Variants in RANBP3 observed in about 807,000 individuals in gnomAD.
RANBP3 encodes the protein ran-binding protein 3.
A neutral mutation model predicts 77.3 loss-of-function variants in RANBP3; 14 were observed. That is an observed-to-expected ratio of 0.18 (90% CI 0.12 to 0.28). RANBP3 has a LOEUF of 0.28. Among genes scored for constraint, RANBP3 ranks in the 10% least tolerant of loss-of-function variants. RANBP3 has a pLI of 1.00. For synonymous variants in RANBP3, 315 were observed against 312.4 expected (o/e 1.01, Z -0.09); for missense variants, 586 against 752.3 (o/e 0.78, Z 2.59).
chr19:5,930,098 G>A (rs967283302), intron 8 of RANBP3, among the ~76,000 whole-genome samples: 5 of 152,260 alleles, frequency 3.3e-5, no homozygotes, highest in Admixed American at 6.5e-5. Context: ...CACCATCGGG[G>A]ACAATCAGAG....
intron 3 of RANBP3, among the ~76,000 whole-genome samples, chr19:5,943,384 G>A (rs1004652272): frequency 2.0e-5 from 3 of 152,330 alleles, no homozygotes; most frequent in South Asian, 2.1e-4. Context: ...AAGTCAGGGC[G>A]ATGCATTTTC....
Position 5,972,349 on chromosome 19 carries a change from A to G in RANBP3, c.22+5712T>C, listed in dbSNP as rs557244405. On this transcript the variant is annotated intron_variant, in intron 1 of 16. Coordinates refer to ENST00000340578, the MANE Select transcript of RANBP3 (RefSeq NM_007322.3). ...GCTCTAAGTGCCAAGACTACTGAGG[A>G]GGAAGCAAACTGTGGACATGTGGAA... 2.0e-4 allele frequency among the ~76,000 whole-genome samples: 31 copies of G among 152,336 alleles called. No individual in the cohort carries two copies. In the East Asian group the frequency reaches 5.6e-3, roughly 27 times the overall value.
rs762716103 is a variant in RANBP3 at position 5,931,457 on chromosome 19, T to A, written c.640A>T (p.Thr214Ser). ...TCGGAAGGACTTCTCCATGCAGCAG[T>A]GTCAGGGGATGCTGCGGGCACTGCC... is the stretch of plus-strand genomic sequence containing the variant. ...TGAVPAASPD[T>S]AAWRSPSEAA... The change falls in exon 8 of 17, where the codon ACT becomes TCT. Residue 214 changes from threonine (T) to serine (S), a missense_variant. This residue lies in a region of RANBP3 where 232 missense variants were observed against 271.7 expected (regional missense o/e 0.85). Transcript: ENST00000340578. 6.2e-7 allele frequency: 1 copy of A among 1,612,876 alleles called. No homozygotes were observed. The highest frequency in any genetic ancestry group is 8.5e-7 in the Non-Finnish European group (1 of 1,179,612).
chr19:5,948,011 G>A (rs973419263), intron 3 of RANBP3, among the ~76,000 whole-genome samples: 3 of 152,250 alleles, frequency 2.0e-5, no homozygotes, highest in Admixed American at 6.5e-5. Context: ...GTGTGTCCTC[G>A]GTGCCAAGGC....
rs2057868668 is a variant in RANBP3, at chr19:5,924,127, A to G, written c.997-213T>C. On this transcript the variant is annotated intron_variant, in intron 11 of 16. Transcript: ENST00000340578. The surrounding 1 kb of genome is among the most constrained non-coding windows in gnomAD (Gnocchi z 4.7). Reference sequence around the variant, plus strand: ...CACCAGCCGACAGTCCCCTCGAGCCACACTGGTCACTCCGTCTGGGTGAGG... The same window carrying G: ...CACCAGCCGACAGTCCCCTCGAGCCGCACTGGTCACTCCGTCTGGGTGAGG... Among the ~76,000 whole-genome samples, 1 of 152,214 alleles carries G rather than the reference A, an allele frequency of 6.6e-6. No homozygotes were observed. Among genetic ancestry groups the G allele is most frequent in the African/African-American group, 2.4e-5 (1 of 41,454 alleles).
Position 5,924,779 on chromosome 19 carries a change from C to A in RANBP3, c.996+48G>T, listed in dbSNP as rs200883001. On this transcript the variant is annotated intron_variant, in intron 11 of 16. Transcript: ENST00000340578. The surrounding 1 kb of genome is among the most constrained non-coding windows in gnomAD (Gnocchi z 4.7). ...CCATGTCCCCTTGACCTGTGGCTGG[C>A]GCCGAGAGCCTCTGGTCCCTGAGAA... 4 of 1,560,434 alleles carry A rather than the reference C, an allele frequency of 2.6e-6. No individual in the cohort carries two copies. The highest frequency in any genetic ancestry group is 3.5e-6 in the Non-Finnish European group (4 of 1,132,264).
chr19:5,918,719 C>T, intron 14 of RANBP3, 81 bp from the exon 15 acceptor site: 2 of 1,529,816 alleles, frequency 1.3e-6, no homozygotes, highest in Non-Finnish European at 1.8e-6. Flanking sequence ...CAACACAGTC[C>T]AGATGGAAAG....
chr19:5,974,655 C>A (rs1284633688), intron 1 of RANBP3, among the ~76,000 whole-genome samples: 1 of 152,086 alleles, frequency 6.6e-6, no homozygotes, highest in Non-Finnish European at 1.5e-5. Context: ...AGATGCTTTA[C>A]ACAACAGAAA....
At chr19:5,948,074 C>G (rs568557552) in intron 3 of RANBP3, among the ~76,000 whole-genome samples, 1 of 152,136 alleles carries the variant, frequency 6.6e-6, no homozygotes, top group Non-Finnish European at 1.5e-5. Flanking sequence ...GACACAAAGA[C>G]GAACAAGGAA....
chr19:5,925,019 G>A (rs1030567550), intron 10 of RANBP3, 114 bp from the exon 11 acceptor site: 15 of 927,694 alleles, frequency 1.6e-5, no homozygotes, highest in African/African-American at 4.9e-5. Flanking sequence ...AGGGGCCTCC[G>A]CCACTGTGCA....
At chr19:5,938,249 T>C (rs1014988288) in intron 5 of RANBP3, among the ~76,000 whole-genome samples, 2 of 152,202 alleles carry the variant, frequency 1.3e-5, no homozygotes, top group African/African-American at 2.4e-5. Context: ...AGAATTCAGG[T>C]TGTTAAACTC....
In RANBP3 at chr19:5,925,718, T is replaced by C; in HGVS notation, c.833A>G (p.Asp278Gly). Residue 278 changes from aspartate (D) to glycine (G), a missense_variant, in exon 10 of 17, where the codon GAC (aspartate) becomes GGC (glycine). Physicochemically the swap from Asp to Gly is moderately conservative, Grantham distance 94. This residue lies in a region of RANBP3 where 232 missense variants were observed against 271.7 expected (regional missense o/e 0.85). Transcript: ENST00000340578. ...DRVKLINESV[D>G]EADMENAGHP... ...TCCAGCATTCTCCATGTCGGCTTCG[T>C]CCACGCTCTCATTTATCAGCTGGGA... 6.2e-7 allele frequency: 1 copy of C among 1,613,744 alleles called. No homozygotes were observed. Among genetic ancestry groups the C allele is most frequent in the Non-Finnish European group, 8.5e-7 (1 of 1,179,930 alleles).
intron 1 of RANBP3, among the ~76,000 whole-genome samples, chr19:5,966,586 G>A (rs2058470404): frequency 6.6e-6 from 1 of 152,218 alleles, no homozygotes; most frequent in South Asian, 2.1e-4. Context: ...TTACAAAGAA[G>A]CAAGGGCAGC....
chr19:5,923,367 A>T, intron 12 of RANBP3, 64 bp from the exon 13 acceptor site: 1 of 1,484,942 alleles, frequency 6.7e-7, no homozygotes, highest in Non-Finnish European at 9.4e-7. Context: ...ATCTCCCCTC[A>T]TCCGACAGGA....
chr19:5,972,501 T>G (rs2058542150), intron 1 of RANBP3, among the ~76,000 whole-genome samples: 1 of 151,898 alleles, frequency 6.6e-6, no homozygotes, highest in Non-Finnish European at 1.5e-5. Context: ...CACCAGACCC[T>G]GAATAGATAA....
chr19:5,951,859 G>A (rs1358299213), intron 2 of RANBP3, among the ~76,000 whole-genome samples: 2 of 152,184 alleles, frequency 1.3e-5, no homozygotes, highest in Non-Finnish European at 2.9e-5. Flanking sequence ...CAGGACCCTC[G>A]TTTCCAAAAC....
At chr19:5,957,420 C>A (rs1399881326) in intron 2 of RANBP3, among the ~76,000 whole-genome samples, 1 of 152,108 alleles carries the variant, frequency 6.6e-6, no homozygotes, top group African/African-American at 2.4e-5. Context: ...ATATATAATG[C>A]AAACAAATGA....
Position 5,917,805 on chromosome 19 carries a change from G to T in RANBP3, c.1649C>A (p.Ala550Asp). The T allele has an allele frequency of 6.2e-7, 1 of 1,609,108 alleles. No homozygotes were observed. ...DDDDVLAPSGATAAGAGDEGD... is the reference protein window; with the variant it reads ...DDDDVLAPSGDTAAGAGDEGD... ...ACCACCCGACTCACCAGCTGCGGTG[G>T]CCCCTGAAGGAGCCAGGACATCGTC... Residue 550 changes from alanine (A) to aspartate (D), a missense_variant, in exon 16 of 17, where the codon GCC becomes GAC. Physicochemically the swap from Ala to Asp is moderately radical, Grantham distance 126 (BLOSUM62 -2). Around this residue, in one of 5 missense-constraint regions of RANBP3, gnomAD observed 128 missense variants for 157.0 expected, o/e 0.82. Coordinates refer to ENST00000340578, the MANE Select transcript of RANBP3 (RefSeq NM_007322.3).
At chr19:5,954,240 C>G (rs1320810480) in intron 2 of RANBP3, among the ~76,000 whole-genome samples, 2 of 152,054 alleles carry the variant, frequency 1.3e-5, no homozygotes, top group Non-Finnish European at 2.9e-5. Flanking sequence ...TCTGAGATCT[C>G]GTTTACTGAA....
Sources: gnomAD v4.1 joint callset for allele counts (sites outside exome capture counted in the v4.1 genomes callset) on GRCh38, gnomAD v4.1.1 for gene constraint, gnomAD v4.1.1 regional missense constraint, Gnocchi (gnomAD v3.1) non-coding constraint, MANE v1.5 for transcripts, NCBI Gene and HGNC (gene_info 2026-07-23, HGNC 2026-07-21) for gene names.